The following AOPEP variants were observed in gnomAD, a reference collection of about 807,000 sequenced individuals.
The protein encoded by AOPEP is aminopeptidase O (putative).
Under a neutral mutation model 98.1 loss-of-function variants are expected in AOPEP, and 77 were observed. The ratio of observed to expected loss-of-function variants is 0.78; its 90% confidence interval spans 0.65 to 0.95. The LOEUF is 0.95. AOPEP is among the 40% of genes least tolerant of loss of function. The probability of loss-of-function intolerance (pLI) is 0.00; values close to 1 mark genes in which losing one functional copy is unlikely to be tolerated. For synonymous variants in AOPEP, 346 were observed against 365.3 expected (o/e 0.95, Z 0.60); for missense variants, 1,024 against 1,024.7 (o/e 1.00, Z 0.01).
chr9:94,981,948 T>C (rs1380114371), intron 11 of AOPEP, among the ~76,000 whole-genome samples: 4 of 152,206 alleles, frequency 2.6e-5, no homozygotes, highest in Admixed American at 1.3e-4. Flanking sequence ...TTTGGCTACG[T>C]TGAATGGAAA....
At chr9:94,835,362 C>G (rs1049481515) in intron 5 of AOPEP, among the ~76,000 whole-genome samples, 3 of 152,136 alleles carry the variant, frequency 2.0e-5, no homozygotes, top group Non-Finnish European at 4.4e-5. Flanking sequence ...CCTGTGATCC[C>G]CCTGGTCTGT....
chr9:94,895,130 T>C (rs2049324966), intron 5 of AOPEP, among the ~76,000 whole-genome samples: 3 of 151,680 alleles, frequency 2.0e-5, no homozygotes, highest in Admixed American at 2.0e-4. Context: ...TCCCAGCACA[T>C]TGGAAGGCCG....
intron 1 of AOPEP, among the ~76,000 whole-genome samples, chr9:94,750,533 C>T (rs535669103): frequency 8.6e-5 from 13 of 151,798 alleles, no homozygotes; most frequent in Middle Eastern, 3.4e-3. Flanking sequence ...TGCAGTGAGC[C>T]GAGATTGGGC....
intron 14 of AOPEP, among the ~76,000 whole-genome samples, chr9:95,067,702 A>G (rs927927434): frequency 2.0e-5 from 3 of 152,224 alleles, no homozygotes; most frequent in Non-Finnish European, 4.4e-5. Context: ...GCTATAATTC[A>G]CATACCATGA....
chr9:94,802,659 A>C (rs1045681495), intron 5 of AOPEP, among the ~76,000 whole-genome samples: 1 of 152,264 alleles, frequency 6.6e-6, no homozygotes, highest in Non-Finnish European at 1.5e-5. Context: ...GGTGGTGATC[A>C]TAACTTAGCA....
At chr9:94,898,648 GAAA>G (rs71366269) in intron 5 of AOPEP, among the ~76,000 whole-genome samples, 1 of 134,954 alleles carries the variant, frequency 7.4e-6, no homozygotes, top group Non-Finnish European at 1.6e-5. Flanking sequence ...AAAATAAAAT[GAAA>G]AAAAAAAAAA....
chr9:94,915,873 C>T (rs114796611), intron 5 of AOPEP, among the ~76,000 whole-genome samples: 1,847 of 152,278 alleles, frequency 0.012, 35 homozygotes, highest in African/African-American at 0.042. Flanking sequence ...TTAGGAAATC[C>T]CCACAACTTT....
chr9:95,147,580 G>A, the AOPEP span, among the ~76,000 whole-genome samples: 2 of 152,198 alleles, frequency 1.3e-5, no homozygotes, highest in African/African-American at 2.4e-5. Context: ...TCATGAGATG[G>A]AGACATCTGC....
intron 11 of AOPEP, among the ~76,000 whole-genome samples, chr9:94,985,397 A>C (rs1287745344): frequency 6.6e-6 from 1 of 152,246 alleles, no homozygotes; most frequent in African/African-American, 2.4e-5. Flanking sequence ...ATACTTGATA[A>C]GACAGTATGC....
At chr9:95,054,919 G>T (rs755066278) in intron 13 of AOPEP, among the ~76,000 whole-genome samples, 3 of 151,968 alleles carry the variant, frequency 2.0e-5, no homozygotes, top group Non-Finnish European at 4.4e-5. Context: ...ATTATTTGGT[G>T]GCTTCCTTTG....
At chr9:94,849,506 C>CTTTT (rs71496986) in intron 5 of AOPEP, among the ~76,000 whole-genome samples, 1 of 27,942 alleles carries the variant, frequency 3.6e-5, no homozygotes, top group African/African-American at 4.9e-5. Flanking sequence ...TTCTTTCTTT[C>CTTTT]TTTTTTTTTT....
intron 5 of AOPEP, among the ~76,000 whole-genome samples, chr9:94,876,157 A>G (rs1375758578): frequency 2.0e-5 from 3 of 152,194 alleles, no homozygotes; most frequent in Non-Finnish European, 4.4e-5. Flanking sequence ...TAAGGACCAC[A>G]GTTGCTTGTA....
chr9:94,997,775 C>T (rs1376014979), intron 11 of AOPEP, among the ~76,000 whole-genome samples: 5 of 152,202 alleles, frequency 3.3e-5, no homozygotes, highest in Admixed American at 2.0e-4. Flanking sequence ...CTCACTGGAG[C>T]CTCAAACTCC....
intron 5 of AOPEP, among the ~76,000 whole-genome samples, chr9:94,880,918 T>C (rs2047509043): frequency 6.6e-6 from 1 of 152,170 alleles, no homozygotes; most frequent in Non-Finnish European, 1.5e-5. Context: ...CTCAGGATTA[T>C]CCAATGGAGC....
chr9:95,121,200 G>A, the AOPEP span, among the ~76,000 whole-genome samples: 5 of 152,198 alleles, frequency 3.3e-5, no homozygotes, highest in African/African-American at 7.2e-5. Context: ...ACCAGAAACT[G>A]ACCTGACTGG....
intron 14 of AOPEP, among the ~76,000 whole-genome samples, chr9:95,068,247 C>T (rs1441191202): frequency 1.3e-5 from 2 of 152,202 alleles, no homozygotes; most frequent in African/African-American, 4.8e-5. Flanking sequence ...TTTTGAGGAA[C>T]TGCCAGTGTG....
intron 14 of AOPEP, among the ~76,000 whole-genome samples, chr9:95,068,864 C>T (rs544571153): frequency 3.3e-5 from 5 of 152,076 alleles, no homozygotes; most frequent in East Asian, 3.9e-4. Context: ...TGGAGTAAAA[C>T]GTGATATGGC....
the AOPEP span, chr9:95,117,384 A>T: frequency 6.2e-7 from 1 of 1,613,462 alleles, no homozygotes; most frequent in Non-Finnish European, 8.5e-7. Flanking sequence ...TTGAGTGCAA[A>T]CCGCAGCTGC....
At chr9:94,912,548 A>G (rs1052022209) in intron 5 of AOPEP, among the ~76,000 whole-genome samples, 1 of 152,228 alleles carries the variant, frequency 6.6e-6, no homozygotes, top group Non-Finnish European at 1.5e-5. Flanking sequence ...AGAGGGCTAC[A>G]CTACGGTGCC....
Sources: allele counts gnomAD v4.1 joint callset (sites outside exome capture counted in the v4.1 genomes callset), GRCh38; gene constraint gnomAD v4.1.1; transcripts MANE v1.5; gene names NCBI Gene and HGNC (gene_info 2026-07-23, HGNC 2026-07-21).